Variants in ADGRL3 observed in about 807,000 individuals in gnomAD.
ADGRL3 encodes adhesion G protein-coupled receptor L3.
Under a neutral mutation model 153.5 loss-of-function variants are expected in ADGRL3, and 62 were observed. That is an observed-to-expected ratio of 0.40 (90% CI 0.33 to 0.50). ADGRL3 has a LOEUF of 0.50. ADGRL3 is among the 20% of genes least tolerant of loss of function. ADGRL3 has a pLI of 0.47. For missense variants in ADGRL3, 1,641 were observed against 1,859.4 expected (o/e 0.88, Z 2.16); for synonymous variants, 710 against 672.5 (o/e 1.06, Z -0.86).
intron 1 of ADGRL3, among the ~76,000 whole-genome samples, chr4:61,347,139 G>A (rs1219204616): frequency 6.6e-6 from 1 of 152,012 alleles, no homozygotes; most frequent in South Asian, 2.1e-4. Context: ...AGAACCTTAA[G>A]TATCTTCACT....
At chr4:61,314,724 C>CG (rs1298380460) in intron 1 of ADGRL3, among the ~76,000 whole-genome samples, 1 of 152,170 alleles carries the variant, frequency 6.6e-6, no homozygotes, top group Admixed American at 6.5e-5. Flanking sequence ...CCTAGAGATA[C>CG]TGTTGGGTTG....
chr4:61,479,558 A>G (rs527524518), intron 2 of ADGRL3, among the ~76,000 whole-genome samples: 1 of 152,126 alleles, frequency 6.6e-6, no homozygotes, highest in Non-Finnish European at 1.5e-5. Context: ...AAGTAGAATA[A>G]AAACTATAGG....
At chr4:61,876,162 G>T (rs549115727) in intron 9 of ADGRL3, among the ~76,000 whole-genome samples, 11 of 152,010 alleles carry the variant, frequency 7.2e-5, no homozygotes, top group African/African-American at 2.7e-4. Context: ...TATCTCATAT[G>T]ATTTTTCACA....
chr4:61,761,269 G>A (rs1580693092), intron 8 of ADGRL3, among the ~76,000 whole-genome samples: 2 of 152,212 alleles, frequency 1.3e-5, no homozygotes, highest in East Asian at 3.8e-4. Flanking sequence ...CAGGCAAGAA[G>A]GAAGTTTGTT....
At chr4:61,559,943 C>G (rs989751271) in intron 4 of ADGRL3, among the ~76,000 whole-genome samples, 1 of 152,004 alleles carries the variant, frequency 6.6e-6, no homozygotes, top group Non-Finnish European at 1.5e-5. Context: ...TGACTATTCC[C>G]TTTACATGAC....
chr4:61,766,551 C>T (rs1051894340), intron 8 of ADGRL3, among the ~76,000 whole-genome samples: 5 of 151,918 alleles, frequency 3.3e-5, no homozygotes, highest in Non-Finnish European at 5.9e-5. Flanking sequence ...AGAGATCAGT[C>T]GGACACGATT....
At chr4:61,318,147 T>C (rs2095266820) in intron 1 of ADGRL3, among the ~76,000 whole-genome samples, 1 of 144,818 alleles carries the variant, frequency 6.9e-6, no homozygotes, top group Non-Finnish European at 1.5e-5. Flanking sequence ...TGAGCCAAGA[T>C]TGCACCACTG....
At chr4:61,216,521 CT>C (rs995957341) in intron 1 of ADGRL3, among the ~76,000 whole-genome samples, 63 of 150,752 alleles carry the variant, frequency 4.2e-4, no homozygotes, top group African/African-American at 1.3e-3. Flanking sequence ...CATTTTACTC[CT>C]TTTTTTTTCT....
intron 25 of ADGRL3, among the ~76,000 whole-genome samples, chr4:62,062,274 C>G (rs1303287107): frequency 6.6e-6 from 1 of 151,802 alleles, no homozygotes. Flanking sequence ...GCTTTTGAAC[C>G]ATTTTCTAAT....
intron 9 of ADGRL3, among the ~76,000 whole-genome samples, chr4:61,860,322 G>A (rs2098327658): frequency 6.6e-6 from 1 of 151,936 alleles, no homozygotes; most frequent in Admixed American, 6.6e-5. Flanking sequence ...GTCTTTTTTG[G>A]TCTTTTTCTT....
intron 6 of ADGRL3, among the ~76,000 whole-genome samples, chr4:61,724,223 G>A (rs987380584): frequency 6.6e-6 from 1 of 152,162 alleles, no homozygotes; most frequent in Non-Finnish European, 1.5e-5. Context: ...AGAAGCAAAT[G>A]TTGTATCAAC....
intron 9 of ADGRL3, among the ~76,000 whole-genome samples, chr4:61,859,147 T>A (rs1476985934): frequency 6.6e-6 from 1 of 152,184 alleles, no homozygotes; most frequent in Admixed American, 6.5e-5. Flanking sequence ...CAGTGCTTGG[T>A]GTAATTGTAC....
chr4:61,863,283 G>A (rs1490495161), intron 9 of ADGRL3, among the ~76,000 whole-genome samples: 2 of 136,476 alleles, frequency 1.5e-5, no homozygotes, highest in Non-Finnish European at 3.0e-5. Flanking sequence ...TGTCGCCCAG[G>A]CTGGAGTGCA....
intron 13 of ADGRL3, among the ~76,000 whole-genome samples, chr4:61,932,426 T>G (rs1234650715): frequency 6.6e-6 from 1 of 152,168 alleles, no homozygotes; most frequent in Non-Finnish European, 1.5e-5. Context: ...TATGCATCTA[T>G]TAAGACAATC....
intron 17 of ADGRL3, among the ~76,000 whole-genome samples, chr4:61,970,422 C>A (rs116834852): frequency 6.6e-6 from 1 of 151,956 alleles, no homozygotes; most frequent in African/African-American, 2.4e-5. Flanking sequence ...TTCTTTCATT[C>A]GTTATGGTAG....
intron 1 of ADGRL3, among the ~76,000 whole-genome samples, chr4:61,346,007 G>A (rs976959919): frequency 1.3e-5 from 2 of 152,058 alleles, no homozygotes; most frequent in African/African-American, 4.8e-5. Context: ...CCTTTTCAAG[G>A]GCTTAGTACA....
chr4:61,461,574 T>G (rs991388212), intron 2 of ADGRL3, among the ~76,000 whole-genome samples: 4 of 152,296 alleles, frequency 2.6e-5, no homozygotes, highest in African/African-American at 7.2e-5. Context: ...AAATATATCT[T>G]AAAGAAAAAT....
chr4:61,491,753 A>T (rs1327090087), intron 2 of ADGRL3, among the ~76,000 whole-genome samples: 2 of 151,968 alleles, frequency 1.3e-5, no homozygotes, highest in Admixed American at 6.6e-5. Flanking sequence ...GTGTTATATT[A>T]TTTTTACCAT....
chr4:61,314,221 T>G (rs2095121508), intron 1 of ADGRL3, among the ~76,000 whole-genome samples: 1 of 152,012 alleles, frequency 6.6e-6, no homozygotes, highest in South Asian at 2.1e-4. Flanking sequence ...TTTTTTTTTT[T>G]TTTCTGAGAT....
Sources: allele counts gnomAD v4.1 joint callset (sites outside exome capture counted in the v4.1 genomes callset), GRCh38; gene constraint gnomAD v4.1.1; transcripts MANE v1.5; gene names NCBI Gene and HGNC (gene_info 2026-07-23, HGNC 2026-07-21).